SUMF1: variants seen among roughly 807,000 people sequenced by gnomAD.
SUMF1 encodes the protein formylglycine-generating enzyme.
SUMF1 carries 48 observed loss-of-function variants against 47.6 expected under a neutral mutation model. That is an observed-to-expected ratio of 1.01 (90% CI 0.80 to 1.28). The LOEUF (loss-of-function observed/expected upper bound fraction) is 1.28. SUMF1 is among the 50% of genes most tolerant of loss of function. The probability of loss-of-function intolerance (pLI) is 0.00; values close to 1 mark genes in which losing one functional copy is unlikely to be tolerated. For synonymous variants in SUMF1, 230 were observed against 192.1 expected (o/e 1.20, Z -1.63); for missense variants, 571 against 485.4 (o/e 1.18, Z -1.66).
chr3:4,091,099 A>C (rs113370645), intron 8 of SUMF1, among the ~76,000 whole-genome samples: 3,851 of 133,216 alleles, frequency 0.029, 70 homozygotes, highest in Non-Finnish European at 0.031. Context: ...ACAACAACAA[A>C]AAAAAAAACA....
At chr3:4,464,807 T>G (rs1322764247) in intron 1 of SUMF1, among the ~76,000 whole-genome samples, 3 of 152,210 alleles carry the variant, frequency 2.0e-5, no homozygotes, top group Non-Finnish European at 4.4e-5. Flanking sequence ...TTTCAGTCAT[T>G]AAGTTCAGCC....
At chr3:4,445,958 A>G (rs79880608) in intron 3 of SUMF1, among the ~76,000 whole-genome samples, 2,272 of 152,328 alleles carry the variant, frequency 0.015, 28 homozygotes, top group Non-Finnish European at 0.025. Context: ...ATATTTAATC[A>G]AAAAATACTC....
At chr3:4,298,987 C>G (rs1697912394) in intron 8 of SUMF1, among the ~76,000 whole-genome samples, 1 of 152,198 alleles carries the variant, frequency 6.6e-6, no homozygotes, top group Admixed American at 6.5e-5. Context: ...ATCTCCCCTG[C>G]TAAAAGTAAT....
At chr3:4,302,643 G>C (rs1056235185) in intron 8 of SUMF1, among the ~76,000 whole-genome samples, 1 of 152,140 alleles carries the variant, frequency 6.6e-6, no homozygotes, top group Non-Finnish European at 1.5e-5. Flanking sequence ...CCTTGGCAGA[G>C]AGGAGGGGTC....
chr3:4,442,683 G>A (rs1242619706), intron 3 of SUMF1, among the ~76,000 whole-genome samples: 2 of 147,392 alleles, frequency 1.4e-5, no homozygotes, highest in Non-Finnish European at 3.0e-5. Context: ...AAGTAGTGGA[G>A]GAGGGGAAGA....
At chr3:4,138,388 C>A (rs970715042) in intron 8 of SUMF1, among the ~76,000 whole-genome samples, 1 of 152,030 alleles carries the variant, frequency 6.6e-6, no homozygotes, top group Non-Finnish European at 1.5e-5. Context: ...AAGATTTGAC[C>A]ACTGGACAGT....
At chr3:4,072,679 T>C (rs1240937014) in intron 8 of SUMF1, among the ~76,000 whole-genome samples, 2 of 152,044 alleles carry the variant, frequency 1.3e-5, no homozygotes, top group East Asian at 1.9e-4. Flanking sequence ...GAGAACTTCA[T>C]GAAGCATACA....
chr3:4,265,950 C>T (rs1366337280), intron 8 of SUMF1, among the ~76,000 whole-genome samples: 22 of 152,012 alleles, frequency 1.4e-4, no homozygotes, highest in African/African-American at 4.8e-4. Flanking sequence ...CTACATATGG[C>T]TAGCCAGTTT....
chr3:4,121,509 G>T (rs1230253266), intron 8 of SUMF1, among the ~76,000 whole-genome samples: 1 of 152,064 alleles, frequency 6.6e-6, no homozygotes, highest in African/African-American at 2.4e-5. Context: ...TCCACTTAAG[G>T]TAGACCTTCT....
At chr3:4,230,791 A>C (rs1696282509) in intron 8 of SUMF1, among the ~76,000 whole-genome samples, 1 of 152,068 alleles carries the variant, frequency 6.6e-6, no homozygotes, top group Non-Finnish European at 1.5e-5. Context: ...GCCTCCAGCC[A>C]CCAGTCATCC....
chr3:4,182,049 TG>T (rs1425040932), intron 8 of SUMF1, among the ~76,000 whole-genome samples: 1 of 152,146 alleles, frequency 6.6e-6, no homozygotes, highest in African/African-American at 2.4e-5. Flanking sequence ...AGGCATACTG[TG>T]ATAGAGATTC....
At chr3:4,391,047 A>G (rs544752263) in intron 7 of SUMF1, among the ~76,000 whole-genome samples, 9 of 152,274 alleles carry the variant, frequency 5.9e-5, no homozygotes, top group Admixed American at 1.3e-4. Flanking sequence ...TTCTTAGTTG[A>G]CAGGTTTGTT....
chr3:4,129,586 G>T (rs1025846193), intron 8 of SUMF1, among the ~76,000 whole-genome samples: 1 of 152,064 alleles, frequency 6.6e-6, no homozygotes, highest in Non-Finnish European at 1.5e-5. Flanking sequence ...CTTAAGGAAG[G>T]ACACCACTAC....
intron 9 of SUMF1, among the ~76,000 whole-genome samples, chr3:4,057,735 A>G (rs1695216322): frequency 6.6e-6 from 1 of 152,128 alleles, no homozygotes; most frequent in African/African-American, 2.4e-5. Flanking sequence ...TCTCAGCCAA[A>G]TAAAGGTGGA....
At position 4,417,157 on chromosome 3, in the gene SUMF1, C is replaced by T. The variant is rs777356483; in HGVS notation, c.811G>A (p.Gly271Ser). ...GCAGTTCCTTGGAAGCCATCCTCACCAGTGTTGGTCACCGGAAACTCGCCC... is the reference window on the plus strand; with the variant it reads ...GCAGTTCCTTGGAAGCCATCCTCACTAGTGTTGGTCACCGGAAACTCGCCC... ...WQGEFPVTNT[G>S]EDGFQGTAPV... Residue 271 changes from glycine (G) to serine (S), a missense_variant, in exon 6 of 9, where the codon GGT becomes AGT. Physicochemically the swap from Gly to Ser is moderately conservative, Grantham distance 56. Transcript: ENST00000272902. 1.9e-6 allele frequency: 3 copies of T among 1,613,836 alleles called. No individual in the cohort carries two copies.
At chr3:4,206,721 T>A (rs1365518846) in intron 8 of SUMF1, among the ~76,000 whole-genome samples, 1 of 152,160 alleles carries the variant, frequency 6.6e-6, no homozygotes, top group African/African-American at 2.4e-5. Context: ...TGTCAACAGT[T>A]GTTCAAGTTT....
At chr3:4,111,743 A>G (rs1574893574) in intron 8 of SUMF1, among the ~76,000 whole-genome samples, 1 of 152,104 alleles carries the variant, frequency 6.6e-6, no homozygotes. Context: ...GTCTAAAAAA[A>G]ACCCAAAAAA....
At chr3:4,095,365 C>T (rs1013807206) in intron 8 of SUMF1, among the ~76,000 whole-genome samples, 5 of 152,038 alleles carry the variant, frequency 3.3e-5, no homozygotes, top group South Asian at 2.1e-4. Flanking sequence ...CCAGAAACCT[C>T]CATGGCTGCA....
rs528856597 is a variant in SUMF1, at chr3:4,178,071, T to C, written c.1015-109326A>G. Among the ~76,000 whole-genome samples, 17 of 152,180 alleles carry C rather than the reference T, an allele frequency of 1.1e-4. No individual in the cohort carries two copies. The South Asian group carries it at 1.9e-3, about 17-fold the overall frequency. On this transcript the variant is annotated intron_variant and NMD_transcript_variant, in intron 8 of 12. Coordinates refer to the SUMF1 transcript ENST00000448413. The stretch of plus-strand genomic sequence containing the variant: ...TTAAGAGCCTACCAGCCAAAAAAAG[T>C]CCAGGACCAGACAGATTCACAGTGT...
Sources: gnomAD v4.1 joint callset for allele counts (sites outside exome capture counted in the v4.1 genomes callset) on GRCh38, gnomAD v4.1.1 for gene constraint, MANE v1.5 for transcripts, NCBI Gene and HGNC (gene_info 2026-07-23, HGNC 2026-07-21) for gene names.